The following USP9X variants were observed in gnomAD, a reference collection of about 807,000 sequenced individuals.
USP9X encodes ubiquitin carboxyl-terminal hydrolase 9X.
USP9X carries 7 observed loss-of-function variants against 190.3 expected under a neutral mutation model. The ratio of observed to expected loss-of-function variants is 0.04; its 90% confidence interval spans 0.02 to 0.07. The LOEUF is 0.07. Among genes scored for constraint, USP9X ranks in the 10% least tolerant of loss-of-function variants. The pLI, the probability that USP9X is intolerant of heterozygous loss-of-function variation, is 1.00. For missense variants in USP9X, 1,010 were observed against 1,916.9 expected, an observed-to-expected ratio of 0.53 and a Z score of 8.83; for synonymous variants, 645 against 659.5, an observed-to-expected ratio of 0.98 and a Z score of 0.34.
At chrX:41,125,299 C>T (rs2062227175) in intron 2 of USP9X, among the ~76,000 whole-genome samples, 1 of 109,580 alleles carries the variant, frequency 9.1e-6, no homozygotes, top group Admixed American at 9.7e-5. Context: ...TGGTCTCGAA[C>T]TCCTTACCTT....
At chrX:41,128,380 T>C (rs769387581) in intron 2 of USP9X, among the ~76,000 whole-genome samples, 1 of 107,985 alleles carries the variant, frequency 9.3e-6, no homozygotes, top group East Asian at 3.1e-4. Context: ...ATTTGAGCTG[T>C]GTGATCTTGG....
chrX:41,123,549 TCTA>T lies in USP9X; in HGVS notation c.-79_-77del. ...ACTGACAAATGCTGGTACTTCATCT[TCTA>T]TAAGTGGACTATAATTTCTTTTCTC... On this transcript the variant is annotated 5_prime_UTR_variant, in exon 2 of 45. Coordinates refer to ENST00000378308, the MANE Select transcript of USP9X (RefSeq NM_001039591.3). 1.2e-6 allele frequency: 1 copy of T among 845,889 alleles called. No individual in the cohort carries two copies. The highest frequency in any genetic ancestry group is 3.4e-5 in the East Asian group (1 of 29,774). The allele number at this position is 845,889 out of a possible 1,213,427, so 69.7% of individuals were successfully genotyped here. A position where few individuals can be genotyped will look rare whatever the true frequency, so the allele number is the denominator to read the frequency against.
intron 7 of USP9X, 95 bp downstream of exon 7, chrX:41,140,866 T>C: frequency 9.2e-7 from 1 of 1,090,219 alleles, no homozygotes; most frequent in Non-Finnish European, 1.2e-6. Flanking sequence ...TTTCTTCAAC[T>C]AATAACTGGG....
intron 38 of USP9X, among the ~76,000 whole-genome samples, chrX:41,220,201 T>C (rs2035995288): frequency 8.9e-6 from 1 of 111,901 alleles, no homozygotes; most frequent in South Asian, 3.7e-4. Context: ...TATTTGTAGA[T>C]GAGAAAGAGA....
chrX:41,094,781 G>A (rs2146918773), intron 1 of USP9X, among the ~76,000 whole-genome samples: 1 of 109,970 alleles, frequency 9.1e-6, no homozygotes, highest in Admixed American at 9.7e-5. Flanking sequence ...GCTCACCCCT[G>A]TAATCCCAGC....
At chrX:41,110,921 T>TA (rs1375524650) in intron 1 of USP9X, among the ~76,000 whole-genome samples, 2 of 111,611 alleles carry the variant, frequency 1.8e-5, no homozygotes, top group African/African-American at 6.5e-5. Context: ...AGGATGCTGT[T>TA]AAAATAGGAG....
intron 19 of USP9X, 37 bp downstream of exon 19, chrX:41,170,272 C>A: frequency 8.5e-7 from 1 of 1,172,040 alleles, no homozygotes; most frequent in South Asian, 1.9e-5. Flanking sequence ...TCAATAAAAT[C>A]AAACCAGAGA....
rs1166819689 is a variant in USP9X at position 41,085,543 on chromosome X, G to T, written c.-725G>T. The T allele has an allele frequency of 1.6e-5, 3 of 184,800 alleles. No individual in the cohort carries two copies. The highest frequency in any genetic ancestry group is 3.0e-5 in the Non-Finnish European group (3 of 100,704). The allele number at this position is 184,800 out of a possible 1,213,427, so 15.2% of individuals were successfully genotyped here. A position where few individuals can be genotyped will look rare whatever the true frequency, so the allele number is the denominator to read the frequency against. On this transcript the variant is annotated 5_prime_UTR_variant, in exon 1 of 45. Transcript: ENST00000378308. Reference sequence around the variant, plus strand: ...CCGCAACCTCTCCGCACCCGGCCCCGTCAGGGCCTCTGTCGCGCCTAGCCC... The same window carrying T: ...CCGCAACCTCTCCGCACCCGGCCCCTTCAGGGCCTCTGTCGCGCCTAGCCC...
chrX:41,161,329 C>CCTTTTT (rs1490069176), intron 14 of USP9X, among the ~76,000 whole-genome samples: 1 of 32,486 alleles, frequency 3.1e-5, no homozygotes, highest in African/African-American at 1.5e-4. Context: ...GAATTCTTGC[C>CCTTTTT]TTTTTTTTTT....
In USP9X at chrX:41,136,790, C is replaced by T. The variant is rs1477738910; in HGVS notation, c.436-14C>T. ...TTTTGATCTTGTAAATCGCCTTTCCCCCTTGTATAACAGAGGTGTATTATT... is the reference window on the plus strand; with the variant it reads ...TTTTGATCTTGTAAATCGCCTTTCCTCCTTGTATAACAGAGGTGTATTATT... On this transcript the variant is annotated splice_polypyrimidine_tract_variant and intron_variant, in intron 5 of 44. Coordinates refer to ENST00000378308, the MANE Select transcript of USP9X (RefSeq NM_001039591.3). 8.5e-7 allele frequency: 1 copy of T among 1,179,491 alleles called. No homozygotes were observed. The highest frequency in any genetic ancestry group is 1.2e-6 in the Non-Finnish European group (1 of 868,446).
chrX:41,227,323 T>TGATTTAG (rs1281085578), intron 41 of USP9X, among the ~76,000 whole-genome samples: 3 of 111,717 alleles, frequency 2.7e-5, no homozygotes, highest in Non-Finnish European at 5.6e-5. Context: ...GCAGAAATAA[T>TGATTTAG]GATTTAGCAC....
At chrX:41,167,716 A>G (rs1438609079) in intron 17 of USP9X, 139 bp downstream of exon 17, 3 of 454,033 alleles carry the variant, frequency 6.6e-6, no homozygotes. Flanking sequence ...TTTTAATATA[A>G]CTATTTATTA....
chrX:41,097,002 C>T (rs2061996265), intron 1 of USP9X, among the ~76,000 whole-genome samples: 1 of 110,565 alleles, frequency 9.0e-6, no homozygotes, highest in Non-Finnish European at 1.9e-5. Flanking sequence ...ATTTACTTGT[C>T]AATCCAACAA....
chrX:41,132,635 T>C (rs1038487974), intron 4 of USP9X, among the ~76,000 whole-genome samples: 4 of 110,231 alleles, frequency 3.6e-5, no homozygotes, highest in East Asian at 2.8e-4. Flanking sequence ...TCTTTTTTTT[T>C]TGTAGAGACA....
In USP9X at chrX:41,225,225, C is replaced by A; in HGVS notation, c.7061+88C>A. 13 of 840,107 alleles carry A rather than the reference C, an allele frequency of 1.5e-5. No individual in the cohort carries two copies. In the South Asian group the frequency reaches 2.9e-4, roughly 19 times the overall value. 69.2% of individuals were successfully genotyped at this position (840,107 alleles called of 1,213,427 possible). A position where few individuals can be genotyped will look rare whatever the true frequency, so the allele number is the denominator to read the frequency against. On this transcript the variant is annotated intron_variant, in intron 41 of 44. Coordinates refer to ENST00000378308, the MANE Select transcript of USP9X (RefSeq NM_001039591.3). ...TTGACAGTCACCACATTTTTTTTAACCTATTGGAGTTCTAGTGAATGTTTT... is the reference window on the plus strand; with the variant it reads ...TTGACAGTCACCACATTTTTTTTAAACTATTGGAGTTCTAGTGAATGTTTT...
intron 1 of USP9X, among the ~76,000 whole-genome samples, chrX:41,102,579 C>T (rs1163680910): frequency 3.6e-5 from 4 of 111,263 alleles, no homozygotes; most frequent in African/African-American, 1.3e-4. Flanking sequence ...GTTGAGATCA[C>T]GCCGCTGGAC....
intron 32 of USP9X, among the ~76,000 whole-genome samples, chrX:41,208,177 A>G (rs746178695): frequency 4.6e-5 from 5 of 109,680 alleles, no homozygotes; most frequent in Non-Finnish European, 7.6e-5. Context: ...GGCGCCTGCC[A>G]CCATGCCCAG....
chrX:41,159,130 T>C (rs1320797486), intron 14 of USP9X, among the ~76,000 whole-genome samples: 1 of 111,655 alleles, frequency 9.0e-6, no homozygotes, highest in African/African-American at 3.3e-5. Context: ...AATTAAGAAA[T>C]GGATGCAAAG....
intron 15 of USP9X, among the ~76,000 whole-genome samples, chrX:41,165,181 G>T (rs1235114419): frequency 9.0e-6 from 1 of 111,646 alleles, no homozygotes. Context: ...GGTTGTTGTT[G>T]TTGGAGACAG....
Sources: allele counts gnomAD v4.1 joint callset (sites outside exome capture counted in the v4.1 genomes callset), GRCh38; gene constraint gnomAD v4.1.1; transcripts MANE v1.5; gene names NCBI Gene and HGNC (gene_info 2026-07-23, HGNC 2026-07-21).